DAB1: variants seen among roughly 807,000 people sequenced by gnomAD.
DAB1 encodes the protein DAB adaptor protein 1.
Under a neutral mutation model 64.6 loss-of-function variants are expected in DAB1, and 15 were observed. The observed-to-expected ratio is 0.23, with a 90% confidence interval of 0.16 to 0.36. The LOEUF (loss-of-function observed/expected upper bound fraction) is 0.36, where lower values mean the gene tolerates loss of function less well. DAB1 is among the 10% of genes least tolerant of loss of function. The pLI is 1.00. For missense variants in DAB1, 596 were observed against 706.7 expected, an observed-to-expected ratio of 0.84 and a Z score of 1.78; for synonymous variants, 235 against 251.9, an observed-to-expected ratio of 0.93 and a Z score of 0.64.
intron 1 of DAB1, among the ~76,000 whole-genome samples, chr1:57,415,313 C>T (rs1198907953): frequency 6.7e-6 from 1 of 149,416 alleles, no homozygotes; most frequent in Non-Finnish European, 1.5e-5. Context: ...GATTAGAGAA[C>T]CTAAATTTGA....
chr1:58,075,133 A>G (rs113888654), intron 5 of DAB1, among the ~76,000 whole-genome samples: 1 of 152,142 alleles, frequency 6.6e-6, no homozygotes, highest in African/African-American at 2.4e-5. Context: ...TTAAATTCCA[A>G]CCACCTAGGA....
intron 8 of DAB1, among the ~76,000 whole-genome samples, chr1:57,067,549 C>A (rs1651039108): frequency 6.6e-6 from 1 of 152,114 alleles, no homozygotes; most frequent in African/African-American, 2.4e-5. Context: ...ACCATCAGCG[C>A]ATGTGCACAC....
chr1:58,416,328 T>G (rs1005547693), intron 3 of DAB1, among the ~76,000 whole-genome samples: 2 of 152,162 alleles, frequency 1.3e-5, no homozygotes, highest in African/African-American at 2.4e-5. Context: ...TTTAATACCT[T>G]TGAACCTACG....
At chr1:57,057,665 T>G (rs949096845) in intron 9 of DAB1, among the ~76,000 whole-genome samples, 2 of 150,426 alleles carry the variant, frequency 1.3e-5, no homozygotes, top group Non-Finnish European at 2.9e-5. Flanking sequence ...TGGAGTGCAG[T>G]GGCATGATCT....
intron 2 of DAB1, among the ~76,000 whole-genome samples, chr1:57,289,501 A>T (rs1672593473): frequency 6.6e-6 from 1 of 152,190 alleles, no homozygotes; most frequent in Non-Finnish European, 1.5e-5. Flanking sequence ...CAAGGTTTAC[A>T]TTAATTTTTA....
intron 3 of DAB1, among the ~76,000 whole-genome samples, chr1:58,406,396 A>G (rs1012395362): frequency 6.6e-6 from 1 of 152,266 alleles, no homozygotes; most frequent in African/African-American, 2.4e-5. Context: ...CTCAATTTGT[A>G]ACAGGGCAGA....
At chr1:57,552,727 C>T (rs1288914360) in intron 7 of DAB1, among the ~76,000 whole-genome samples, 1 of 152,108 alleles carries the variant, frequency 6.6e-6, no homozygotes, top group Non-Finnish European at 1.5e-5. Flanking sequence ...AGCTAAGAGG[C>T]AAGTCACACA....
intron 5 of DAB1, chr1:58,048,320 A>G (rs1424371195): frequency 2.6e-6 from 3 of 1,137,662 alleles, no homozygotes; most frequent in Non-Finnish European, 4.0e-6. Context: ...CATGGGTCCA[A>G]AATTTGAAAA....
At chr1:57,840,711 T>A (rs1653011414) in intron 1 of DAB1, among the ~76,000 whole-genome samples, 1 of 152,004 alleles carries the variant, frequency 6.6e-6, no homozygotes, top group Non-Finnish European at 1.5e-5. Flanking sequence ...TTTAAAACCA[T>A]CAGATCTCAT....
intron 1 of DAB1, among the ~76,000 whole-genome samples, chr1:57,301,124 C>T (rs1010338873): frequency 3.3e-5 from 5 of 152,036 alleles, no homozygotes; most frequent in Non-Finnish European, 5.9e-5. Flanking sequence ...GCAAACATAC[C>T]CAACTCTTTC....
rs573585903 is a variant in DAB1, at chr1:57,404,742, G to T, written c.-137+19188C>A. Among the ~76,000 whole-genome samples the T allele has an allele frequency of 1.7e-3, 262 of 152,290 alleles. 2 individuals are homozygous for T. Among genetic ancestry groups the T allele is most frequent in the African/African-American group, 6.0e-3 (251 of 41,566 alleles). On this transcript the variant is annotated intron_variant, in intron 1 of 14. Coordinates refer to ENST00000371236, the MANE Select transcript of DAB1 (RefSeq NM_001365792.1). Reference sequence around the variant, plus strand: ...TGCAATGGATCCTTGCTTAAAATGGGTTAATTATGAACACTAGAAGTTTTC... The same window carrying T: ...TGCAATGGATCCTTGCTTAAAATGGTTTAATTATGAACACTAGAAGTTTTC...
At chr1:58,368,857 T>A (rs571925770) in intron 3 of DAB1, among the ~76,000 whole-genome samples, 17 of 152,206 alleles carry the variant, frequency 1.1e-4, no homozygotes, top group Admixed American at 9.2e-4. Context: ...GGAAACCCCA[T>A]CTCCACAAAA....
intron 7 of DAB1, among the ~76,000 whole-genome samples, chr1:57,622,273 C>T (rs1645869273): frequency 6.6e-6 from 1 of 152,112 alleles, no homozygotes; most frequent in Non-Finnish European, 1.5e-5. Context: ...CTGTGCAAGG[C>T]ATCTTTTGCC....
At chr1:58,426,087 T>G (rs1644819500) in intron 3 of DAB1, among the ~76,000 whole-genome samples, 1 of 152,220 alleles carries the variant, frequency 6.6e-6, no homozygotes, top group South Asian at 2.1e-4. Context: ...ACATCTTTGC[T>G]TTTTCCCTTA....
At chr1:58,232,768 C>T (rs1390354937) in intron 4 of DAB1, among the ~76,000 whole-genome samples, 2 of 152,072 alleles carry the variant, frequency 1.3e-5, no homozygotes, top group Admixed American at 6.6e-5. Flanking sequence ...GTGGTGGCAT[C>T]GCAGGTAGAG....
chr1:57,605,915 C>T (rs1446756196), intron 7 of DAB1: 2 of 684,160 alleles, frequency 2.9e-6, no homozygotes, highest in East Asian at 2.8e-5. Context: ...ATCTGCTTAA[C>T]AATCTCAGAA....
intron 11 of DAB1, among the ~76,000 whole-genome samples, chr1:57,016,237 G>A (rs962919812): frequency 6.6e-6 from 1 of 151,900 alleles, no homozygotes; most frequent in East Asian, 1.9e-4. Context: ...GTAGCGAGAG[G>A]TATTATGCAT....
chr1:57,379,171 C>G (rs1558271436), intron 1 of DAB1, among the ~76,000 whole-genome samples: 2 of 150,238 alleles, frequency 1.3e-5, no homozygotes, highest in South Asian at 4.4e-4. Flanking sequence ...TAAGAAACCC[C>G]CTCCCCCACC....
intron 2 of DAB1, among the ~76,000 whole-genome samples, chr1:57,158,164 C>T (rs1660416665): frequency 6.6e-6 from 1 of 152,186 alleles, no homozygotes; most frequent in African/African-American, 2.4e-5. Context: ...GCTCTTAGCA[C>T]ACTGCCTGGC....
Sources: gnomAD v4.1 joint callset for allele counts (sites outside exome capture counted in the v4.1 genomes callset) on GRCh38, gnomAD v4.1.1 for gene constraint, MANE v1.5 for transcripts, NCBI Gene and HGNC (gene_info 2026-07-23, HGNC 2026-07-21) for gene names.